Variants in CSMD3 observed in about 807,000 individuals in gnomAD.
The protein encoded by CSMD3 is CUB and sushi domain-containing protein 3.
Under a neutral mutation model 435.2 loss-of-function variants are expected in CSMD3, and 177 were observed. The ratio of observed to expected loss-of-function variants is 0.41; its 90% CI spans 0.36 to 0.46. The LOEUF (loss-of-function observed/expected upper bound fraction) is 0.46, where lower values mean the gene tolerates loss of function less well. Ranked by LOEUF, CSMD3 falls within the 20% of genes least tolerant of loss-of-function variation. The probability of loss-of-function intolerance (pLI) is 0.34; values close to 1 mark genes in which losing one functional copy is unlikely to be tolerated. For missense variants in CSMD3, 4,265 were observed against 4,504.6 expected (o/e 0.95, Z 1.52); for synonymous variants, 1,656 against 1,520.5 (o/e 1.09, Z -2.07).
chr8:113,229,269 T>C (rs1410355407), intron 3 of CSMD3, among the ~76,000 whole-genome samples: 2 of 151,784 alleles, frequency 1.3e-5, no homozygotes, highest in East Asian at 3.9e-4. Flanking sequence ...ATCTCACATG[T>C]TGTTTATAAC....
intron 35 of CSMD3, among the ~76,000 whole-genome samples, chr8:112,405,845 C>T (rs62514459): frequency 6.6e-6 from 1 of 151,598 alleles, no homozygotes; most frequent in Non-Finnish European, 1.5e-5. Flanking sequence ...ACATATTGGC[C>T]CAGAAATCTT....
At chr8:112,373,135 C>A (rs1173028381) in intron 38 of CSMD3, among the ~76,000 whole-genome samples, 1 of 151,250 alleles carries the variant, frequency 6.6e-6, no homozygotes, top group Non-Finnish European at 1.5e-5. Context: ...TTCCTGAAAC[C>A]TTCACTATTT....
intron 3 of CSMD3, among the ~76,000 whole-genome samples, chr8:113,190,662 G>A (rs973910137): frequency 1.3e-5 from 2 of 149,736 alleles, no homozygotes; most frequent in Admixed American, 1.3e-4. Flanking sequence ...TTTCCTTATG[G>A]TGGAAAAGAA....
chr8:112,832,174 AC>A (rs2079895103), intron 11 of CSMD3, among the ~76,000 whole-genome samples: 1 of 152,172 alleles, frequency 6.6e-6, no homozygotes, highest in African/African-American at 2.4e-5. Context: ...TTGTGAATTG[AC>A]TTTTACAGAA....
intron 16 of CSMD3, among the ~76,000 whole-genome samples, chr8:112,668,652 TCTC>T (rs2075583313): frequency 1.3e-5 from 2 of 152,176 alleles, no homozygotes; most frequent in Middle Eastern, 3.4e-3. Flanking sequence ...TTGTGGTTCT[TCTC>T]CTACTTATGA....
chr8:112,591,471 T>A (rs916955132), intron 22 of CSMD3, among the ~76,000 whole-genome samples: 1 of 152,052 alleles, frequency 6.6e-6, no homozygotes, highest in Non-Finnish European at 1.5e-5. Flanking sequence ...TAGTTTTAGA[T>A]AAACTGAAAA....
chr8:112,517,676 TAATA>T, intron 27 of CSMD3, among the ~76,000 whole-genome samples: 1 of 152,264 alleles, frequency 6.6e-6, no homozygotes, highest in East Asian at 1.9e-4. Context: ...CATCACTAAC[TAATA>T]GAGAAATGCA....
chr8:112,370,026 A>AGAAGAGGAAGAAGAAGAG lies in CSMD3; in HGVS notation c.6136+10325_6136+10326insCTCTTCTTCTTCCTCTTC, dbSNP rs1554658407. On this transcript the variant is annotated intron_variant, in intron 38 of 70. Coordinates refer to ENST00000297405, the MANE Select transcript of CSMD3 (RefSeq NM_198123.2). ...AAGAGGAAGAGGAAGAAGAAGAGGA[A>AGAAGAGGAAGAAGAAGAG]GAAGAAGAAGAAGAAGAAGAAGAAG... Among the ~76,000 whole-genome samples, 117 of 49,328 alleles carry AGAAGAGGAAGAAGAAGAG rather than the reference A, an allele frequency of 2.4e-3. 1 individual carries two copies. Among genetic ancestry groups the AGAAGAGGAAGAAGAAGAG allele is most frequent in the Admixed American group, 7.6e-3 (28 of 3,680 alleles). The allele number at this position is 49,328 out of a possible 152,430, so 32.4% of individuals were successfully genotyped here.
At chr8:112,267,299 T>A (rs1396229285) in intron 59 of CSMD3, among the ~76,000 whole-genome samples, 1 of 152,124 alleles carries the variant, frequency 6.6e-6, no homozygotes, top group Non-Finnish European at 1.5e-5. Context: ...AACAGTTCGA[T>A]GAAATTAAAC....
At chr8:113,035,183 G>GA (rs1179269012) in intron 5 of CSMD3, among the ~76,000 whole-genome samples, 3 of 151,784 alleles carry the variant, frequency 2.0e-5, no homozygotes, top group South Asian at 2.1e-4. Flanking sequence ...CTTGTTCTTT[G>GA]AAAAAATCAA....
intron 27 of CSMD3, among the ~76,000 whole-genome samples, chr8:112,531,586 C>T (rs2131075346): frequency 6.6e-6 from 1 of 152,124 alleles, no homozygotes; most frequent in South Asian, 2.1e-4. Context: ...CCATGATCTC[C>T]CAAAAGTCCA....
At chr8:112,500,997 C>G (rs192766439) in intron 30 of CSMD3, among the ~76,000 whole-genome samples, 1 of 152,074 alleles carries the variant, frequency 6.6e-6, no homozygotes, top group East Asian at 1.9e-4. Context: ...ACTCAGACAC[C>G]GCTTCCTCAA....
chr8:112,512,143 G>T (rs1823210202), intron 28 of CSMD3, among the ~76,000 whole-genome samples: 1 of 152,092 alleles, frequency 6.6e-6, no homozygotes, highest in African/African-American at 2.4e-5. Flanking sequence ...TGATAATATT[G>T]ATATTTCTTC....
At chr8:113,255,304 T>A (rs1315839134) in intron 3 of CSMD3, among the ~76,000 whole-genome samples, 2 of 152,146 alleles carry the variant, frequency 1.3e-5, no homozygotes, top group South Asian at 2.1e-4. Context: ...CATTTTTGGA[T>A]CTCCGATTCT....
intron 6 of CSMD3, among the ~76,000 whole-genome samples, chr8:112,981,146 C>T (rs1046058616): frequency 2.0e-5 from 3 of 151,122 alleles, no homozygotes; most frequent in Admixed American, 1.3e-4. Flanking sequence ...AGATTAAAAT[C>T]TTAAAATATA....
intron 38 of CSMD3, among the ~76,000 whole-genome samples, chr8:112,372,717 G>A (rs938072429): frequency 6.6e-6 from 1 of 151,772 alleles, no homozygotes; most frequent in African/African-American, 2.4e-5. Context: ...GGGCATGGCA[G>A]TGTGACATGT....
chr8:113,393,322 G>A (rs915909433), intron 1 of CSMD3, among the ~76,000 whole-genome samples: 1 of 152,020 alleles, frequency 6.6e-6, no homozygotes, highest in African/African-American at 2.4e-5. Flanking sequence ...AGAAGCCATT[G>A]AGGCTCAAAA....
In CSMD3 at chr8:112,712,145, C is replaced by T. The variant is rs1383161158; in HGVS notation, c.1973-22095G>A. ...TGACCTCTCCTCCAGTGTTGTGCCACTCTCATCTACCACCACAAATGTTCT... is the reference window on the plus strand; with the variant it reads ...TGACCTCTCCTCCAGTGTTGTGCCATTCTCATCTACCACCACAAATGTTCT... On this transcript the variant is annotated intron_variant, in intron 13 of 70. Transcript: ENST00000297405. 2.6e-5 allele frequency among the ~76,000 whole-genome samples: 4 copies of T among 152,142 alleles called. No homozygotes were observed. In the East Asian group the frequency reaches 7.7e-4, roughly 29 times the overall value.
chr8:112,409,768 T>C (rs556820294), intron 32 of CSMD3, among the ~76,000 whole-genome samples: 1 of 152,088 alleles, frequency 6.6e-6, no homozygotes, highest in East Asian at 1.9e-4. Context: ...AATTACATAC[T>C]AAACTTACAT....
Sources: gnomAD v4.1 joint callset for allele counts (sites outside exome capture counted in the v4.1 genomes callset) on GRCh38, gnomAD v4.1.1 for gene constraint, MANE v1.5 for transcripts, NCBI Gene and HGNC (gene_info 2026-07-23, HGNC 2026-07-21) for gene names.